The following ANKRD33B variants were observed in gnomAD, a reference collection of about 807,000 sequenced individuals.
The protein encoded by ANKRD33B is ankyrin repeat domain-containing protein 33B.
A neutral mutation model predicts 21.5 loss-of-function variants in ANKRD33B; 6 were observed. That is an observed-to-expected ratio of 0.28 (90% CI 0.15 to 0.55). The LOEUF is 0.55. Ranked by LOEUF, ANKRD33B falls within the 20% of genes least tolerant of loss-of-function variation. ANKRD33B has a pLI of 0.94. For missense variants in ANKRD33B, 698 were observed against 747.2 expected, an observed-to-expected ratio of 0.93 and a Z score of 0.77; for synonymous variants, 347 against 342.4, an observed-to-expected ratio of 1.01 and a Z score of -0.15.
intron 2 of ANKRD33B, 144 bp from the exon 3 acceptor site, chr5:10,637,884 C>A: frequency 1.1e-6 from 1 of 920,432 alleles, no homozygotes; most frequent in Non-Finnish European, 1.6e-6. Flanking sequence ...AGAATTCTGT[C>A]TTGGGGTCCG....
chr5:10,633,054 C>T (rs1736765492), intron 2 of ANKRD33B, among the ~76,000 whole-genome samples: 1 of 150,832 alleles, frequency 6.6e-6, no homozygotes, highest in African/African-American at 2.4e-5. Flanking sequence ...TCCCAAAGTG[C>T]TAGGATTACA....
intron 1 of ANKRD33B, among the ~76,000 whole-genome samples, chr5:10,565,363 A>G (rs2126539807): frequency 1.3e-5 from 2 of 152,326 alleles, no homozygotes; most frequent in Middle Eastern, 3.4e-3. Flanking sequence ...TTTGGAAGCA[A>G]CAGTTTCTTC....
intron 3 of ANKRD33B, among the ~76,000 whole-genome samples, chr5:10,645,670 T>G (rs1474540185): frequency 3.3e-5 from 5 of 152,182 alleles, no homozygotes; most frequent in Admixed American, 6.5e-5. Flanking sequence ...CTGTCACCCC[T>G]TGATTCCACG....
intron 1 of ANKRD33B, among the ~76,000 whole-genome samples, chr5:10,569,614 A>AAATAAATC (rs925709300): frequency 5.3e-5 from 8 of 151,526 alleles, no homozygotes; most frequent in Non-Finnish European, 1.0e-4. Flanking sequence ...ATAAATAAAT[A>AAATAAATC]AATAAATAAA....
intron 1 of ANKRD33B, among the ~76,000 whole-genome samples, chr5:10,566,014 G>A (rs2126540353): frequency 6.6e-6 from 1 of 152,316 alleles, no homozygotes; most frequent in African/African-American, 2.4e-5. Context: ...TGGATGGGAA[G>A]CCCTCCAATG....
At chr5:10,593,254 C>A (rs1241296210) in intron 1 of ANKRD33B, among the ~76,000 whole-genome samples, 2 of 152,078 alleles carry the variant, frequency 1.3e-5, no homozygotes, top group African/African-American at 4.8e-5. Context: ...TGTGCAGTAA[C>A]ATATTTTAAA....
chr5:10,586,302 T>G (rs927310978), intron 1 of ANKRD33B, among the ~76,000 whole-genome samples: 1 of 152,108 alleles, frequency 6.6e-6, no homozygotes, highest in African/African-American at 2.4e-5. Context: ...TTGAAAAAAA[T>G]CTACCTATAA....
At chr5:10,583,170 T>TG (rs1735480431) in intron 1 of ANKRD33B, among the ~76,000 whole-genome samples, 1 of 152,020 alleles carries the variant, frequency 6.6e-6, no homozygotes, top group African/African-American at 2.4e-5. Context: ...GTAATTTTTT[T>TG]GTATTGTTAG....
At chr5:10,602,266 T>A (rs922675302) in intron 1 of ANKRD33B, among the ~76,000 whole-genome samples, 5 of 152,214 alleles carry the variant, frequency 3.3e-5, no homozygotes, top group African/African-American at 1.2e-4. Context: ...AATTGCAGGC[T>A]CCCAGCCAGG....
chr5:10,625,142 C>T (rs996474136), intron 2 of ANKRD33B: 7 of 191,758 alleles, frequency 3.7e-5, no homozygotes, highest in African/African-American at 1.4e-4. Context: ...CATGACTTTC[C>T]TGTGCTGTTT....
In ANKRD33B at chr5:10,602,006, A is replaced by G. The variant is rs144993290; in HGVS notation, c.367-16327A>G. Among the ~76,000 whole-genome samples the G allele has an allele frequency of 1.8e-4, 27 of 152,360 alleles. No individual in the cohort carries two copies. The East Asian group carries it at 5.0e-3, about 28-fold the overall frequency. On this transcript the variant is annotated intron_variant, in intron 1 of 3. Coordinates refer to ENST00000296657, the MANE Select transcript of ANKRD33B (RefSeq NM_001164440.2). ...GCATCCAGGCCAGGACTAGGTAAGA[A>G]TTTATTTGGATTTATATATAGCAGA... is the stretch of plus-strand genomic sequence containing the variant.
At chr5:10,608,809 G>A (rs912984316) in intron 1 of ANKRD33B, among the ~76,000 whole-genome samples, 2 of 152,154 alleles carry the variant, frequency 1.3e-5, no homozygotes, top group African/African-American at 4.8e-5. Context: ...AACGTAAAAC[G>A]GGATGGTAAA....
intron 1 of ANKRD33B, among the ~76,000 whole-genome samples, chr5:10,590,905 C>T (rs1165221294): frequency 6.6e-6 from 1 of 152,088 alleles, no homozygotes; most frequent in Non-Finnish European, 1.5e-5. Context: ...GCCTGCAAGT[C>T]CTGGTCGTCT....
chr5:10,616,941 AG>A (rs1213790930), intron 1 of ANKRD33B, among the ~76,000 whole-genome samples: 1 of 152,224 alleles, frequency 6.6e-6, no homozygotes, highest in Non-Finnish European at 1.5e-5. Flanking sequence ...GGAGGCTGGA[AG>A]CCCAGGATCA....
intron 1 of ANKRD33B, among the ~76,000 whole-genome samples, chr5:10,599,720 C>A (rs554338858): frequency 2.6e-5 from 4 of 152,106 alleles, no homozygotes; most frequent in Non-Finnish European, 2.9e-5. Flanking sequence ...CACATTTTGC[C>A]TGTCCATTTA....
At chr5:10,569,209 C>G (rs984609611) in intron 1 of ANKRD33B, among the ~76,000 whole-genome samples, 1 of 152,190 alleles carries the variant, frequency 6.6e-6, no homozygotes, top group Non-Finnish European at 1.5e-5. Flanking sequence ...AAAGTGACTT[C>G]TCTGGTTCTT....
chr5:10,640,612 A>C (rs1049761395), intron 3 of ANKRD33B, among the ~76,000 whole-genome samples: 2 of 152,254 alleles, frequency 1.3e-5, no homozygotes, highest in Admixed American at 6.5e-5. Context: ...TGAATGTGCG[A>C]TGCTGCTTTC....
At chr5:10,607,529 G>T (rs1354708316) in intron 1 of ANKRD33B, among the ~76,000 whole-genome samples, 4 of 152,234 alleles carry the variant, frequency 2.6e-5, no homozygotes, top group African/African-American at 9.6e-5. Flanking sequence ...GAGGCAGGAA[G>T]AAATAGATAA....
chr5:10,571,940 G>A (rs1259344969), intron 1 of ANKRD33B, among the ~76,000 whole-genome samples: 1 of 150,486 alleles, frequency 6.6e-6, no homozygotes, highest in Non-Finnish European at 1.5e-5. Flanking sequence ...CCAGGCCGGA[G>A]TGCAGTGGCG....
Sources: gnomAD v4.1 joint callset for allele counts (sites outside exome capture counted in the v4.1 genomes callset) on GRCh38, gnomAD v4.1.1 for gene constraint, MANE v1.5 for transcripts, NCBI Gene and HGNC (gene_info 2026-07-23, HGNC 2026-07-21) for gene names.